Variants in FRY observed in about 807,000 individuals in gnomAD.
The protein encoded by FRY is protein furry homolog.
Under a neutral mutation model 348.4 loss-of-function variants are expected in FRY, and 128 were observed. The ratio of observed to expected loss-of-function variants is 0.37; its 90% CI spans 0.32 to 0.43. FRY has a LOEUF of 0.43. Among genes scored for constraint, FRY ranks in the 20% least tolerant of loss-of-function variants. FRY has a pLI of 1.00. For missense variants in FRY, 2,736 were observed against 3,695.2 expected, an observed-to-expected ratio of 0.74 and a Z score of 6.73; for synonymous variants, 1,370 against 1,374.7, an observed-to-expected ratio of 1.00 and a Z score of 0.08.
At chr13:32,067,115 A>G (rs1348063252) in intron 1 of FRY, among the ~76,000 whole-genome samples, 2 of 152,184 alleles carry the variant, frequency 1.3e-5, no homozygotes, top group Non-Finnish European at 2.9e-5. Context: ...GTGTGGTAGG[A>G]GGGTGACAGG....
At chr13:32,093,008 T>C (rs1686860018) in intron 2 of FRY, among the ~76,000 whole-genome samples, 2 of 152,202 alleles carry the variant, frequency 1.3e-5, no homozygotes, top group South Asian at 4.1e-4. Flanking sequence ...CTAAAGAATT[T>C]AAAACGTAAA....
intron 1 of FRY, among the ~76,000 whole-genome samples, chr13:32,059,927 G>A (rs1260829663): frequency 6.6e-6 from 1 of 152,198 alleles, no homozygotes; most frequent in Non-Finnish European, 1.5e-5. Context: ...TGCAGGAGTA[G>A]CATGGGGCAT....
intron 17 of FRY, among the ~76,000 whole-genome samples, chr13:32,164,298 C>T (rs1352866525): frequency 6.6e-6 from 1 of 152,204 alleles, no homozygotes; most frequent in African/African-American, 2.4e-5. Flanking sequence ...TTATTTCTGA[C>T]ACTTCACAGT....
In FRY at chr13:32,094,530, C is replaced by T. The variant is rs555046934; in HGVS notation, c.271-7433C>T. On this transcript the variant is annotated intron_variant, in intron 2 of 60. Coordinates refer to ENST00000542859, the MANE Select transcript of FRY (RefSeq NM_023037.3). ...CTAACCCCCCACTATCCTTCCCAGCCTCTAATAAACATCCTTCTACTCTGT... is the reference window on the plus strand; with the variant it reads ...CTAACCCCCCACTATCCTTCCCAGCTTCTAATAAACATCCTTCTACTCTGT... 7.9e-5 allele frequency among the ~76,000 whole-genome samples: 12 copies of T among 152,174 alleles called. No homozygotes were observed. The East Asian group carries it at 1.4e-3, about 17-fold the overall frequency.
chr13:32,181,154 T>G (rs1308370665), intron 23 of FRY, among the ~76,000 whole-genome samples: 1 of 152,048 alleles, frequency 6.6e-6, no homozygotes, highest in Non-Finnish European at 1.5e-5. Flanking sequence ...CCTCCCAAAG[T>G]GCTAGGATTA....
chr13:32,272,275 G>A (rs1888244442), intron 55 of FRY, among the ~76,000 whole-genome samples: 1 of 152,146 alleles, frequency 6.6e-6, no homozygotes, highest in African/African-American at 2.4e-5. Flanking sequence ...GTGTTAGGTT[G>A]GATTTTGGAA....
chr13:32,136,621 T>A (rs1172427321), intron 10 of FRY, among the ~76,000 whole-genome samples: 1 of 152,230 alleles, frequency 6.6e-6, no homozygotes, highest in African/African-American at 2.4e-5. Context: ...TTATTATACA[T>A]GAAACTTCTT....
intron 1 of FRY, among the ~76,000 whole-genome samples, chr13:32,037,152 A>C (rs1057318833): frequency 3.3e-5 from 5 of 152,182 alleles, no homozygotes; most frequent in Non-Finnish European, 7.3e-5. Flanking sequence ...TCTATTGCAA[A>C]CAATACATAG....
chr13:32,136,805 A>C (rs1879752891), intron 10 of FRY, 66 bp from the exon 11 acceptor site: 1 of 940,318 alleles, frequency 1.1e-6, no homozygotes. Context: ...GTGGGTACAG[A>C]GAATGTATGT....
In FRY at chr13:32,297,323, C is replaced by A. The variant is rs1050957546; in HGVS notation, c.*1863C>A. Reference sequence around the variant, plus strand: ...CTATGATTTGTAGAAACAACTGAATCATGATCTCTCTGAAAAATATCATAA... The same window carrying A: ...CTATGATTTGTAGAAACAACTGAATAATGATCTCTCTGAAAAATATCATAA... On this transcript the variant is annotated 3_prime_UTR_variant, in exon 61 of 61. Coordinates refer to ENST00000542859, the MANE Select transcript of FRY (RefSeq NM_023037.3). 6.6e-6 allele frequency: 1 copy of A among 152,034 alleles called. No individual in the cohort carries two copies. The highest frequency in any genetic ancestry group is 2.4e-5 in the African/African-American group (1 of 41,386). The allele number at this position is 152,034 out of a possible 1,614,324, so 9.4% of individuals were successfully genotyped here.
intron 49 of FRY, among the ~76,000 whole-genome samples, chr13:32,250,042 A>G (rs755069863): frequency 2.2e-4 from 33 of 152,184 alleles, no homozygotes; most frequent in Non-Finnish European, 3.7e-4. Flanking sequence ...AACCAATTCT[A>G]TAGCACTTGG....
In FRY at chr13:32,294,576, TCTG is replaced by T; in HGVS notation, c.8783+9_8783+11del. 1 of 1,608,660 alleles carries T rather than the reference TCTG, an allele frequency of 6.2e-7. No homozygotes were observed. Among genetic ancestry groups the T allele is most frequent in the Non-Finnish European group, 8.5e-7 (1 of 1,175,050 alleles). Reference sequence around the variant, plus strand: ...CGGCAGATCAGGGAGTGCAGGTGACTCTGCTATTTCTTTTAGAGGTGGTTGCAG... The same window carrying T: ...CGGCAGATCAGGGAGTGCAGGTGACTCTATTTCTTTTAGAGGTGGTTGCAG... On this transcript the variant is annotated splice_region_variant and intron_variant, in intron 60 of 60. Coordinates refer to ENST00000542859, the MANE Select transcript of FRY (RefSeq NM_023037.3).
chr13:32,032,023 T>TTCTTTTTC (rs1182595636), intron 1 of FRY, among the ~76,000 whole-genome samples, 158 bp downstream of exon 1: 8 of 134,134 alleles, frequency 6.0e-5, no homozygotes, highest in South Asian at 4.5e-4. Context: ...CTTTCTTTCT[T>TTCTTTTTC]TTTCTTTCTT....
intron 1 of FRY, among the ~76,000 whole-genome samples, chr13:32,041,283 CTTTTTTTTTTT>C (rs11286980): frequency 7.7e-5 from 5 of 65,046 alleles, no homozygotes; most frequent in South Asian, 7.3e-4. Flanking sequence ...TAATCTTCTG[CTTTTTTTTTTT>C]TTTTTTTTTT....
Position 32,237,436 on chromosome 13 carries a change from A to G in FRY, c.5868A>G (p.Thr1956=). ...AACTAACAGCAAGCAGAAAGAGCACAGGACAACTAAACATGAACCCGGGAA... is the reference window on the plus strand; with the variant it reads ...AACTAACAGCAAGCAGAAAGAGCACGGGACAACTAAACATGAACCCGGGAA... ...SSKLTASRKS[T]GQLNMNPGTT... is the part of the protein sequence containing the mutation. The change falls in exon 44 of 61, where the codon ACA becomes ACG. Residue 1956 remains threonine, a synonymous_variant. Coordinates refer to ENST00000542859, the MANE Select transcript of FRY (RefSeq NM_023037.3). The surrounding 1 kb of genome is among the most constrained non-coding windows in gnomAD (Gnocchi z 6.3). The G allele has an allele frequency of 1.2e-6, 2 of 1,614,074 alleles. No homozygotes were observed. The highest frequency in any genetic ancestry group is 1.7e-6 in the Non-Finnish European group (2 of 1,179,986).
rs758968368 is a variant in FRY at position 32,101,995 on chromosome 13, A to G, written c.303A>G (p.Gly101=). ...CATTGACAAAATCTCTGCAACGTGGAGAAGACCCCCAATTTGATCAGGTAT... is the reference window on the plus strand; with the variant it reads ...CATTGACAAAATCTCTGCAACGTGGGGAAGACCCCCAATTTGATCAGGTAT... ...EKPLTKSLQR[G]EDPQFDQVIS... Residue 101 remains glycine (G), a synonymous_variant, in exon 3 of 61, where the codon GGA becomes GGG. Coordinates refer to ENST00000542859, the MANE Select transcript of FRY (RefSeq NM_023037.3). The G allele has an allele frequency of 9.0e-6, 14 of 1,547,536 alleles. No individual in the cohort carries two copies. Among genetic ancestry groups the G allele is most frequent in the South Asian group, 8.9e-5 (8 of 89,602 alleles).
chr13:32,254,137 G>A (rs1174634106), intron 50 of FRY, 87 bp from the exon 51 acceptor site: 12 of 1,161,034 alleles, frequency 1.0e-5, no homozygotes, highest in East Asian at 9.3e-5. Flanking sequence ...CTGGAAATAC[G>A]GTGCTATGAA....
intron 30 of FRY, 61 bp from the exon 31 acceptor site, chr13:32,202,295 C>T: frequency 7.9e-7 from 1 of 1,261,324 alleles, no homozygotes; most frequent in South Asian, 1.2e-5. Context: ...AATACAAATG[C>T]TCATGAGATA....
At chr13:32,281,867 G>T (rs965959504) in intron 58 of FRY, among the ~76,000 whole-genome samples, 2 of 152,164 alleles carry the variant, frequency 1.3e-5, no homozygotes, top group Non-Finnish European at 2.9e-5. Flanking sequence ...TTGGTTAGTA[G>T]ATCCTGGAAA....
Sources: gnomAD v4.1 joint callset for allele counts (sites outside exome capture counted in the v4.1 genomes callset) on GRCh38, gnomAD v4.1.1 for gene constraint, Gnocchi (gnomAD v3.1) non-coding constraint, MANE v1.5 for transcripts, NCBI Gene and HGNC (gene_info 2026-07-23, HGNC 2026-07-21) for gene names.